The following FHIT variants were observed in gnomAD, a reference collection of about 807,000 sequenced individuals.
FHIT encodes fragile histidine triad diadenosine triphosphatase.
In FHIT, 19 loss-of-function variants were observed where a neutral mutation model predicts 17.9. The ratio of observed to expected loss-of-function variants is 1.06; its 90% confidence interval spans 0.74 to 1.56. FHIT has a LOEUF of 1.56. Ranked by LOEUF, FHIT falls within the 40% of genes most tolerant of loss-of-function variation. The pLI, the probability that FHIT is intolerant of heterozygous loss-of-function variation, is 0.00. For synonymous variants in FHIT, 81 were observed against 69.7 expected, an observed-to-expected ratio of 1.16 and a Z score of -0.81; for missense variants, 248 against 189.2, an observed-to-expected ratio of 1.31 and a Z score of -1.82.
At chr3:60,734,113 G>T (rs1277445627) in intron 4 of FHIT, among the ~76,000 whole-genome samples, 1 of 152,108 alleles carries the variant, frequency 6.6e-6, no homozygotes, top group Non-Finnish European at 1.5e-5. Flanking sequence ...TGTAAGCAGG[G>T]ATGGAAAATA....
rs139814222 is a variant in FHIT, at chr3:61,169,585, TAA to T, written c.-164+31030_-164+31031del. 2.6e-3 allele frequency among the ~76,000 whole-genome samples: 401 copies of T among 152,322 alleles called. 3 individuals are homozygous for T. Among genetic ancestry groups the T allele is most frequent in the African/African-American group, 9.2e-3 (382 of 41,574 alleles). ...ATATGAATTTAGTTGGAAGTAATAT[TAA>T]GTTAGTTTAAATCATATAGAAAAAT... On this transcript the variant is annotated intron_variant, in intron 2 of 9. Coordinates refer to ENST00000492590, the MANE Select transcript of FHIT (RefSeq NM_002012.4).
chr3:60,392,384 A>C (rs1701267452), intron 5 of FHIT, among the ~76,000 whole-genome samples: 1 of 152,234 alleles, frequency 6.6e-6, no homozygotes, highest in South Asian at 2.1e-4. Context: ...AATTCATTAT[A>C]AGAATAAATG....
chr3:60,421,409 C>G (rs1441521594), intron 5 of FHIT, among the ~76,000 whole-genome samples: 1 of 152,076 alleles, frequency 6.6e-6, no homozygotes, highest in Non-Finnish European at 1.5e-5. Flanking sequence ...TACTTGGGTT[C>G]AATTCCAATA....
chr3:61,148,671 A>G (rs908881535), intron 2 of FHIT, among the ~76,000 whole-genome samples: 1 of 152,174 alleles, frequency 6.6e-6, no homozygotes, highest in Admixed American at 6.5e-5. Flanking sequence ...ACATTCTTGT[A>G]TATGTCTTTT....
intron 5 of FHIT, among the ~76,000 whole-genome samples, chr3:60,362,253 C>G (rs1357003730): frequency 1.3e-5 from 2 of 152,062 alleles, no homozygotes; most frequent in African/African-American, 2.4e-5. Flanking sequence ...TAATACAATA[C>G]AATTTTATTA....
chr3:60,380,683 T>C (rs542018630), intron 5 of FHIT, among the ~76,000 whole-genome samples: 5 of 152,156 alleles, frequency 3.3e-5, no homozygotes, highest in Non-Finnish European at 7.4e-5. Context: ...ATGAGTATTT[T>C]CCATCTTTTC....
chr3:60,345,163 G>C (rs1710714532), intron 5 of FHIT, among the ~76,000 whole-genome samples: 1 of 151,946 alleles, frequency 6.6e-6, no homozygotes, highest in South Asian at 2.1e-4. Context: ...GTGTACAACA[G>C]AGATGATATA....
At chr3:60,482,336 T>C (rs751878474) in intron 5 of FHIT, among the ~76,000 whole-genome samples, 4 of 152,156 alleles carry the variant, frequency 2.6e-5, no homozygotes, top group African/African-American at 4.8e-5. Context: ...GCGGACCTAA[T>C]AGACAGCTAC....
At chr3:60,832,430 A>T (rs567296851) in intron 3 of FHIT, among the ~76,000 whole-genome samples, 2 of 152,278 alleles carry the variant, frequency 1.3e-5, no homozygotes, top group African/African-American at 4.8e-5. Flanking sequence ...CCTCCTTGCC[A>T]TGCCCAATGT....
intron 8 of FHIT, among the ~76,000 whole-genome samples, chr3:59,911,542 A>G (rs1704876783): frequency 6.6e-6 from 1 of 152,156 alleles, no homozygotes; most frequent in Admixed American, 6.5e-5. Flanking sequence ...GGCCTTGGTG[A>G]TTTGATTCTG....
chr3:59,750,622 TATGAC>T (rs1187467039), intron 9 of FHIT: 19 of 223,466 alleles, frequency 8.5e-5, no homozygotes, highest in Non-Finnish European at 2.7e-5. Context: ...CTGACAAACT[TATGAC>T]ATGGGAGAAT....
intron 7 of FHIT, among the ~76,000 whole-genome samples, chr3:59,969,824 G>C (rs1035606508): frequency 1.3e-5 from 2 of 152,054 alleles, no homozygotes; most frequent in African/African-American, 4.8e-5. Context: ...AAAACTTACT[G>C]TATGTCTGAT....
intron 8 of FHIT, among the ~76,000 whole-genome samples, chr3:59,892,888 A>G (rs1230015164): frequency 1.3e-5 from 2 of 152,206 alleles, no homozygotes; most frequent in Non-Finnish European, 2.9e-5. Flanking sequence ...GCCTGAAAAC[A>G]CTGATCCTTG....
chr3:61,004,972 T>G lies in FHIT; in HGVS notation c.-111+37075A>C, dbSNP rs1397879275. Reference sequence around the variant, plus strand: ...TACAATTCAATATAGCAATTATCTATGCCTCCCACCATTTTCTCCCCACAT... The same window carrying G: ...TACAATTCAATATAGCAATTATCTAGGCCTCCCACCATTTTCTCCCCACAT... On this transcript the variant is annotated intron_variant, in intron 3 of 9. Coordinates refer to ENST00000492590, the MANE Select transcript of FHIT (RefSeq NM_002012.4). Among the ~76,000 whole-genome samples, 3 of 152,218 alleles carry G rather than the reference T, an allele frequency of 2.0e-5. No individual in the cohort carries two copies. In the East Asian group the frequency reaches 5.8e-4, roughly 29 times the overall value.
chr3:60,351,043 C>G (rs1403571851), intron 5 of FHIT, among the ~76,000 whole-genome samples: 2 of 151,940 alleles, frequency 1.3e-5, no homozygotes, highest in Non-Finnish European at 2.9e-5. Context: ...GACCACAGCC[C>G]CAGCCAAAAG....
At chr3:61,156,169 C>T (rs556115164) in intron 2 of FHIT, among the ~76,000 whole-genome samples, 13 of 152,300 alleles carry the variant, frequency 8.5e-5, no homozygotes, top group South Asian at 4.1e-4. Flanking sequence ...TCACCCCATA[C>T]GCTTTTTCCC....
chr3:60,705,057 A>G (rs2041339867), intron 4 of FHIT, among the ~76,000 whole-genome samples: 1 of 152,120 alleles, frequency 6.6e-6, no homozygotes, highest in Admixed American at 6.6e-5. Context: ...ATTAAAAAAA[A>G]AAAAAAAAGT....
chr3:61,096,479 G>C (rs2035643006), intron 2 of FHIT, among the ~76,000 whole-genome samples: 1 of 152,212 alleles, frequency 6.6e-6, no homozygotes, highest in African/African-American at 2.4e-5. Flanking sequence ...TATAATAGTT[G>C]TTTCAAGCAA....
At chr3:60,262,797 T>C (rs1706370948) in intron 5 of FHIT, among the ~76,000 whole-genome samples, 1 of 151,282 alleles carries the variant, frequency 6.6e-6, no homozygotes, top group Admixed American at 6.6e-5. Flanking sequence ...CCAAATAAAC[T>C]CTTTATGTGG....
Sources: gnomAD v4.1 joint callset for allele counts (sites outside exome capture counted in the v4.1 genomes callset) on GRCh38, gnomAD v4.1.1 for gene constraint, MANE v1.5 for transcripts, NCBI Gene and HGNC (gene_info 2026-07-23, HGNC 2026-07-21) for gene names.